The following MTM1 variants were observed in gnomAD, a reference collection of about 807,000 sequenced individuals.
MTM1 encodes myotubularin.
MTM1 carries 9 observed loss-of-function variants against 52.1 expected under a neutral mutation model. The ratio of observed to expected loss-of-function variants is 0.17; its 90% CI spans 0.10 to 0.30. MTM1 has a LOEUF of 0.30. Ranked by LOEUF, MTM1 falls within the 10% of genes least tolerant of loss-of-function variation. MTM1 has a pLI of 1.00. For missense variants in MTM1, 277 were observed against 470.7 expected (o/e 0.59, Z 3.81); for synonymous variants, 136 against 163.8 (o/e 0.83, Z 1.29).
chrX:150,660,514 A>G, intron 13 of MTM1, 30 bp downstream of exon 13: 1 of 949,483 alleles, frequency 1.1e-6, no homozygotes, highest in Non-Finnish European at 1.5e-6. Flanking sequence ...TTTTTGATAC[A>G]TTAGGCTTGC....
chrX:150,648,036 A>G (rs1251468929), intron 9 of MTM1, among the ~76,000 whole-genome samples: 1 of 112,265 alleles, frequency 8.9e-6, no homozygotes, highest in African/African-American at 3.2e-5. Flanking sequence ...TAAAAACCAC[A>G]TGTGTAGAGA....
chrX:150,624,705 G>A (rs1374865474), intron 6 of MTM1, among the ~76,000 whole-genome samples: 1 of 111,918 alleles, frequency 8.9e-6, no homozygotes, highest in African/African-American at 3.3e-5. Context: ...ATGGATAAGT[G>A]TGGCTACGTG....
At chrX:150,652,604 C>T (rs868916610) in intron 10 of MTM1, among the ~76,000 whole-genome samples, 1 of 92,132 alleles carries the variant, frequency 1.1e-5, no homozygotes, top group East Asian at 3.4e-4. Flanking sequence ...TATATATATA[C>T]ATATATATAT....
chrX:150,605,137 G>A (rs1327617517), intron 4 of MTM1, among the ~76,000 whole-genome samples: 1 of 112,302 alleles, frequency 8.9e-6, no homozygotes, highest in Admixed American at 9.4e-5. Context: ...CCACCACCCA[G>A]CTGAAGGAAT....
chrX:150,638,519 C>T (rs185016096), intron 6 of MTM1, among the ~76,000 whole-genome samples: 1 of 111,880 alleles, frequency 8.9e-6, no homozygotes, highest in East Asian at 2.8e-4. Context: ...AAAAAATAAA[C>T]ATGTCATTGT....
chrX:150,598,323 C>T (rs1038155657), intron 3 of MTM1, among the ~76,000 whole-genome samples: 3 of 111,360 alleles, frequency 2.7e-5, no homozygotes, highest in Non-Finnish European at 3.8e-5. Flanking sequence ...CTATTGTCAC[C>T]TTGCCCCAGG....
intron 4 of MTM1, among the ~76,000 whole-genome samples, chrX:150,602,511 T>G (rs966210960): frequency 8.9e-6 from 1 of 112,490 alleles, no homozygotes; most frequent in African/African-American, 3.2e-5. Flanking sequence ...AAGTTGTTAG[T>G]GCTGCTCAGA....
intron 4 of MTM1, among the ~76,000 whole-genome samples, chrX:150,613,930 G>A (rs1557413072): frequency 8.9e-6 from 1 of 112,327 alleles, no homozygotes; most frequent in African/African-American, 3.2e-5. Context: ...ATGCACGCAT[G>A]CCAGAGACAA....
intron 13 of MTM1, among the ~76,000 whole-genome samples, chrX:150,661,567 C>T (rs1363344207): frequency 3.6e-5 from 4 of 111,659 alleles, no homozygotes; most frequent in Non-Finnish European, 7.5e-5. Flanking sequence ...ATAAAGAAAA[C>T]GTAGTACCTA....
chrX:150,646,074 T>G (rs12851922), intron 9 of MTM1, among the ~76,000 whole-genome samples: 3 of 112,066 alleles, frequency 2.7e-5, no homozygotes, highest in African/African-American at 9.7e-5. Flanking sequence ...AAACTTTAGG[T>G]AAATAGGCAT....
chrX:150,642,424 A>G (rs2039863625), intron 8 of MTM1, among the ~76,000 whole-genome samples: 1 of 112,106 alleles, frequency 8.9e-6, no homozygotes, highest in Non-Finnish European at 1.9e-5. Flanking sequence ...TATTTTACCC[A>G]TTAAAATTAA....
At chrX:150,635,988 A>T (rs1352840455) in intron 6 of MTM1, among the ~76,000 whole-genome samples, 1 of 111,897 alleles carries the variant, frequency 8.9e-6, no homozygotes, top group Non-Finnish European at 1.9e-5. Context: ...TCACGAGGAG[A>T]AATATTTGGC....
chrX:150,594,708 G>T (rs952811693), intron 2 of MTM1, among the ~76,000 whole-genome samples: 1 of 111,744 alleles, frequency 8.9e-6, no homozygotes, highest in Admixed American at 9.5e-5. Flanking sequence ...ATGCTGCTCT[G>T]GTATAATGTA....
rs782247875 is a variant in MTM1 at position 150,614,137 on chromosome X, G to A, written c.232-452G>A. Among the ~76,000 whole-genome samples, 20 of 112,332 alleles carry A rather than the reference G, an allele frequency of 1.8e-4. No homozygotes were observed. In the East Asian group the frequency reaches 5.1e-3, roughly 28 times the overall value. On this transcript the variant is annotated intron_variant, in intron 4 of 14. Coordinates refer to ENST00000370396, the MANE Select transcript of MTM1 (RefSeq NM_000252.3). The stretch of plus-strand genomic sequence containing the variant: ...GAGGTGATGCTTGCTGAGCCAAGGC[G>A]AAAGTCATGGGGACAATTTTGGTAG...
intron 9 of MTM1, among the ~76,000 whole-genome samples, chrX:150,646,719 A>G (rs1472270583): frequency 1.8e-5 from 2 of 112,604 alleles, no homozygotes; most frequent in African/African-American, 6.5e-5. Context: ...CTTAAATTTC[A>G]TCATATTTAA....
chrX:150,609,462 A>G (rs1472259552), intron 4 of MTM1, among the ~76,000 whole-genome samples: 1 of 111,497 alleles, frequency 9.0e-6, no homozygotes, highest in Non-Finnish European at 1.9e-5. Flanking sequence ...GGAACTTTGG[A>G]GAATAATGTA....
intron 9 of MTM1, among the ~76,000 whole-genome samples, chrX:150,646,858 A>G (rs1355577637): frequency 8.9e-6 from 1 of 112,112 alleles, no homozygotes; most frequent in East Asian, 2.8e-4. Context: ...AGAATCTGTG[A>G]TATCTGTCTG....
intron 14 of MTM1, among the ~76,000 whole-genome samples, chrX:150,664,646 C>A (rs1379059306): frequency 8.9e-6 from 1 of 112,874 alleles, no homozygotes; most frequent in Non-Finnish European, 1.9e-5. Flanking sequence ...TTGAGAAGCA[C>A]ATGGGAGGAA....
chrX:150,594,131 A>G (rs1013869138), intron 2 of MTM1, among the ~76,000 whole-genome samples: 21 of 106,481 alleles, frequency 2.0e-4, no homozygotes, highest in Non-Finnish European at 3.9e-4. Flanking sequence ...TTTTTTTGAG[A>G]CAGAGTCTAA....
Sources: allele counts gnomAD v4.1 joint callset (sites outside exome capture counted in the v4.1 genomes callset), GRCh38; gene constraint gnomAD v4.1.1; transcripts MANE v1.5; gene names NCBI Gene and HGNC (gene_info 2026-07-23, HGNC 2026-07-21).